Variants in ARMC2 observed in about 807,000 individuals in gnomAD.
ARMC2 encodes armadillo repeat containing 2.
ARMC2 carries 67 observed loss-of-function variants against 90.3 expected under a neutral mutation model. The ratio of observed to expected loss-of-function variants is 0.74; its 90% CI spans 0.61 to 0.91. The LOEUF (loss-of-function observed/expected upper bound fraction) is 0.91, where lower values mean the gene tolerates loss of function less well. ARMC2 is among the 40% of genes least tolerant of loss of function. The pLI is 0.00. For synonymous variants in ARMC2, 393 were observed against 393.0 expected, an observed-to-expected ratio of 1.00 and a Z score of 0.00; for missense variants, 920 against 1,030.9, an observed-to-expected ratio of 0.89 and a Z score of 1.47.
chr6:108,880,051 G>C (rs372022643), intron 5 of ARMC2: 2 of 413,376 alleles, frequency 4.8e-6, no homozygotes, highest in Admixed American at 3.4e-5. Flanking sequence ...AGGCACAAAG[G>C]CATTCTCCAG....
At chr6:108,914,764 G>C (rs1773781035) in intron 10 of ARMC2, among the ~76,000 whole-genome samples, 1 of 152,118 alleles carries the variant, frequency 6.6e-6, no homozygotes, top group South Asian at 2.1e-4. Context: ...TCATACAAAT[G>C]ATAAAATGTA....
intron 5 of ARMC2, among the ~76,000 whole-genome samples, chr6:108,891,819 C>T (rs1771064876): frequency 6.6e-6 from 1 of 152,190 alleles, no homozygotes; most frequent in African/African-American, 2.4e-5. Context: ...GAAGTCTTTG[C>T]CCATGCCTAT....
chr6:108,883,069 G>A (rs1006997294), intron 5 of ARMC2, among the ~76,000 whole-genome samples: 11 of 152,182 alleles, frequency 7.2e-5, no homozygotes, highest in Non-Finnish European at 1.5e-4. Context: ...TTGATTGGGC[G>A]GGCAAATGGA....
At chr6:108,943,020 G>A (rs947786059) in intron 12 of ARMC2, among the ~76,000 whole-genome samples, 1 of 152,288 alleles carries the variant, frequency 6.6e-6, no homozygotes, top group East Asian at 1.9e-4. Context: ...GCTGCCGGTC[G>A]CTGCTGCCGT....
the ARMC2 span, among the ~76,000 whole-genome samples, chr6:108,985,495 C>A: frequency 6.6e-6 from 1 of 152,194 alleles, no homozygotes; most frequent in African/African-American, 2.4e-5. Flanking sequence ...AACACTCCAA[C>A]AGGAAGCACC....
At chr6:108,945,487 T>C (rs980415560) in intron 12 of ARMC2, among the ~76,000 whole-genome samples, 2 of 152,216 alleles carry the variant, frequency 1.3e-5, no homozygotes, top group Non-Finnish European at 2.9e-5. Context: ...TCTCTCCACG[T>C]TTAGATACGG....
At chr6:109,047,459 C>T in the ARMC2 span, among the ~76,000 whole-genome samples, 12 of 126,538 alleles carry the variant, frequency 9.5e-5, no homozygotes, top group African/African-American at 3.4e-4. Context: ...CCGCCCCATC[C>T]GGGAGGGAGG....
chr6:108,858,443 A>G (rs1774881875), intron 3 of ARMC2, among the ~76,000 whole-genome samples, 172 bp downstream of exon 3: 1 of 152,144 alleles, frequency 6.6e-6, no homozygotes, highest in South Asian at 2.1e-4. Flanking sequence ...TGTAATGGGT[A>G]ATATCTAATG....
chr6:108,925,367 T>C (rs761406519), intron 10 of ARMC2, among the ~76,000 whole-genome samples: 1 of 152,228 alleles, frequency 6.6e-6, no homozygotes, highest in Non-Finnish European at 1.5e-5. Context: ...TAAATGCCTA[T>C]TGAGCGCCCA....
rs779515108 is a variant in ARMC2, at chr6:108,973,474, A to G, written c.2564A>G (p.His855Arg). Residue 855 changes from histidine (H) to arginine (R), a missense_variant, in exon 18 of 18, where the codon CAT (histidine) becomes CGT (arginine). By Grantham distance (29) the His-to-Arg change is conservative. Coordinates refer to ENST00000392644, the MANE Select transcript of ARMC2 (RefSeq NM_032131.6). The stretch of plus-strand genomic sequence containing the variant: ...CAGCTTCTAAACCGAATTCAGAGAC[A>G]TCACACCTTCCTGGAACCCCTGCCC... ...AQQLLNRIQR[H>R]HTFLEPLPIP... The G allele has an allele frequency of 3.8e-5, 62 of 1,613,650 alleles. No individual in the cohort carries two copies. In the South Asian group the frequency reaches 6.5e-4, roughly 17 times the overall value.
At chr6:108,937,819 C>G (rs146767849) in intron 12 of ARMC2, among the ~76,000 whole-genome samples, 1,684 of 152,204 alleles carry the variant, frequency 0.011, 8 homozygotes, top group African/African-American at 0.022. Context: ...CTCAGCCTCC[C>G]GAGTAGCTGG....
At chr6:108,987,714 A>C in the ARMC2 span, 4 of 732,800 alleles carry the variant, frequency 5.5e-6, no homozygotes, top group South Asian at 6.3e-5. Context: ...AACACATAAA[A>C]TAAGTACACT....
At chr6:108,988,114 T>C in the ARMC2 span, among the ~76,000 whole-genome samples, 1 of 152,168 alleles carries the variant, frequency 6.6e-6, no homozygotes, top group Admixed American at 6.5e-5. Flanking sequence ...TTTGGATAGA[T>C]TGAGCTTTCA....
At chr6:109,038,970 G>C in the ARMC2 span, among the ~76,000 whole-genome samples, 1 of 147,820 alleles carries the variant, frequency 6.8e-6, no homozygotes, top group East Asian at 2.0e-4. Flanking sequence ...GGAGAAGAAG[G>C]AAAAGAAAAA....
intron 9 of ARMC2, among the ~76,000 whole-genome samples, chr6:108,912,128 C>T (rs1773498452): frequency 6.6e-6 from 1 of 152,120 alleles, no homozygotes; most frequent in African/African-American, 2.4e-5. Context: ...ACAATCCCAT[C>T]CTTCTGCTGA....
At chr6:108,859,731 G>A (rs1178784579) in intron 3 of ARMC2, among the ~76,000 whole-genome samples, 1 of 152,102 alleles carries the variant, frequency 6.6e-6, no homozygotes, top group South Asian at 2.1e-4. Context: ...CTGGCTGGGC[G>A]TGGTGGCTCA....
chr6:108,902,898 C>A (rs934500518), intron 7 of ARMC2, among the ~76,000 whole-genome samples: 1 of 152,030 alleles, frequency 6.6e-6, no homozygotes, highest in African/African-American at 2.4e-5. Flanking sequence ...GTGGCTGCCA[C>A]TTCCAAAAAT....
chr6:108,881,644 G>A (rs1777595527), intron 5 of ARMC2, among the ~76,000 whole-genome samples: 2 of 152,272 alleles, frequency 1.3e-5, no homozygotes, highest in South Asian at 2.1e-4. Flanking sequence ...AAGAAGTGAG[G>A]GGGAAGATGG....
At chr6:109,009,374 G>C in the ARMC2 span, 4 of 1,467,640 alleles carry the variant, frequency 2.7e-6, no homozygotes, top group African/African-American at 2.9e-5. Flanking sequence ...CCTGGTCGCG[G>C]CCCCCGCCGC....
Sources: gnomAD v4.1 joint callset for allele counts (sites outside exome capture counted in the v4.1 genomes callset) on GRCh38, gnomAD v4.1.1 for gene constraint, MANE v1.5 for transcripts, NCBI Gene and HGNC (gene_info 2026-07-23, HGNC 2026-07-21) for gene names.